The following LRP5 variants were observed in gnomAD, a reference collection of about 807,000 sequenced individuals.
LRP5 encodes LDL receptor related protein 5.
In LRP5, 62 loss-of-function variants were observed where a neutral mutation model predicts 154.1. That is an observed-to-expected ratio of 0.40 (90% confidence interval 0.33 to 0.50). The LOEUF is 0.50. LRP5 is among the 20% of genes least tolerant of loss of function. The probability of loss-of-function intolerance (pLI) is 0.55; values close to 1 mark genes in which losing one functional copy is unlikely to be tolerated. For missense variants in LRP5, 1,915 were observed against 2,336.7 expected, an observed-to-expected ratio of 0.82 and a Z score of 3.72; for synonymous variants, 966 against 1,011.5, an observed-to-expected ratio of 0.96 and a Z score of 0.85.
chr11:68,425,070 A>T (rs750990079), intron 14 of LRP5, 32 bp from the exon 15 acceptor site: 1 of 1,605,676 alleles, frequency 6.2e-7, no homozygotes. Flanking sequence ...CGCCATCCCC[A>T]CACCCGTCCT....
chr11:68,351,767 GTAGGGGGAT>G (rs1284182282), intron 2 of LRP5, among the ~76,000 whole-genome samples: 5 of 152,192 alleles, frequency 3.3e-5, no homozygotes, highest in Non-Finnish European at 5.9e-5. Context: ...GGACGTGTGC[GTAGGGGGAT>G]AAAGCAGTGC....
intron 1 of LRP5, among the ~76,000 whole-genome samples, chr11:68,323,558 C>A (rs1261772640): frequency 1.3e-5 from 2 of 152,166 alleles, no homozygotes; most frequent in East Asian, 1.9e-4. Flanking sequence ...GGACTACAGG[C>A]ACACACCACC....
Position 68,416,372 on chromosome 11 carries a change from C to T in LRP5, c.2872C>T (p.Arg958Trp), listed in dbSNP as rs754174678. ...GTTCAGCCAGAAATCTGCCATCAGT[C>T]GGATGATCCCGGACGACCAGCACAG... ...LLFSQKSAIS[R>W]MIPDDQHSPD... Residue 958 changes from arginine (R) to tryptophan (W), a missense_variant, in exon 13 of 23, where the codon CGG (arginine) becomes TGG (tryptophan). By Grantham distance (101) the Arg-to-Trp change is moderately radical. Around this residue, in one of 3 missense-constraint regions of LRP5, gnomAD observed 1,094 missense variants for 1,210.1 expected, o/e 0.90. Transcript: ENST00000294304. 1.4e-5 allele frequency: 23 copies of T among 1,614,044 alleles called. No homozygotes were observed. In the South Asian group the frequency reaches 1.6e-4, roughly 12 times the overall value.
Position 68,447,368 on chromosome 11 carries a change from G to T in LRP5, c.4586+835G>T, listed in dbSNP as rs927903808. Reference sequence around the variant, plus strand: ...TTGCTTGGGTCCCTGGAGCAGCAGGGCCTCCCGAGTGTGGTGCCGCCTGCC... The same window carrying T: ...TTGCTTGGGTCCCTGGAGCAGCAGGTCCTCCCGAGTGTGGTGCCGCCTGCC... On this transcript the variant is annotated intron_variant, in intron 22 of 22. Coordinates refer to ENST00000294304, the MANE Select transcript of LRP5 (RefSeq NM_002335.4). This position sits in a 1 kb window ranked among gnomAD's most constrained non-coding sequence, Gnocchi z 4.3. 1.3e-4 allele frequency among the ~76,000 whole-genome samples: 20 copies of T among 152,200 alleles called. No individual in the cohort carries two copies. In the South Asian group the frequency reaches 2.7e-3, roughly 20 times the overall value.
intron 1 of LRP5, among the ~76,000 whole-genome samples, chr11:68,323,778 G>A (rs1489898242): frequency 1.3e-5 from 2 of 152,154 alleles, no homozygotes; most frequent in Non-Finnish European, 2.9e-5. Context: ...TTTTTAATGC[G>A]TTCTCAAGAA....
At chr11:68,365,731 C>CG in intron 5 of LRP5, 29 bp downstream of exon 5, 1 of 18,032 alleles carries the variant, frequency 5.5e-5, no homozygotes, top group Admixed American at 2.9e-3. Flanking sequence ...ACGGGGCGGG[C>CG]GGGCGGGGCG....
At chr11:68,371,443 G>C (rs1369985756) in intron 5 of LRP5, among the ~76,000 whole-genome samples, 2 of 152,186 alleles carry the variant, frequency 1.3e-5, no homozygotes, top group Non-Finnish European at 2.9e-5. Context: ...CAGACCACGC[G>C]GCAGCCTGGG....
At chr11:68,305,174 C>G in the LRP5 span, among the ~76,000 whole-genome samples, 2 of 152,008 alleles carry the variant, frequency 1.3e-5, no homozygotes, top group African/African-American at 4.8e-5. Context: ...TGGGGGCAGA[C>G]CCCTCGTGGC....
At position 68,438,271 on chromosome 11, in the gene LRP5, C is replaced by T. The variant is rs553512838; in HGVS notation, c.4112-175C>T. Among the ~76,000 whole-genome samples the T allele has an allele frequency of 2.6e-5, 4 of 152,292 alleles. No homozygotes were observed. The South Asian group carries it at 8.3e-4, about 32-fold the overall frequency. On this transcript the variant is annotated intron_variant, in intron 19 of 22. Coordinates refer to ENST00000294304, the MANE Select transcript of LRP5 (RefSeq NM_002335.4). ...GTGCACCGTGCAGGCTGAAGGGCCACGTTACCCTGAGGTTGGCCAGGCTCC... is the reference window on the plus strand; with the variant it reads ...GTGCACCGTGCAGGCTGAAGGGCCATGTTACCCTGAGGTTGGCCAGGCTCC...
chr11:68,444,010 A>G (rs937223849), intron 21 of LRP5, among the ~76,000 whole-genome samples: 10 of 151,810 alleles, frequency 6.6e-5, no homozygotes, highest in Admixed American at 5.9e-4. Context: ...TCACATCTTT[A>G]ATTCTTCTGG....
intron 7 of LRP5, among the ~76,000 whole-genome samples, chr11:68,394,468 CTT>C (rs1217880694): frequency 1.5e-4 from 21 of 139,912 alleles, no homozygotes; most frequent in Non-Finnish European, 1.7e-4. Context: ...TGATTACCCA[CTT>C]TTTTTTTTTT....
chr11:68,360,345 C>T (rs148492062), intron 3 of LRP5, among the ~76,000 whole-genome samples: 75 of 152,306 alleles, frequency 4.9e-4, no homozygotes, highest in Non-Finnish European at 7.5e-4. Context: ...CCCCTGTGCA[C>T]AGAGAAGCAT....
intron 9 of LRP5, among the ~76,000 whole-genome samples, chr11:68,409,442 T>C (rs2098658183): frequency 6.6e-6 from 1 of 151,284 alleles, no homozygotes; most frequent in African/African-American, 2.4e-5. Context: ...CAAAAAGGTG[T>C]CTTGCTGCAT....
chr11:68,378,469 C>T (rs553718229), intron 5 of LRP5, among the ~76,000 whole-genome samples: 15 of 151,984 alleles, frequency 9.9e-5, no homozygotes, highest in Admixed American at 6.6e-4. Context: ...GTAGGTGGCT[C>T]GTTCCCCCAC....
In LRP5 at chr11:68,433,695, G is replaced by A. The variant is rs1326459816; in HGVS notation, c.3857G>A (p.Cys1286Tyr). Residue 1286 changes from cysteine (C) to tyrosine (Y), a missense_variant, in exon 18 of 23, where the codon TGC becomes TAC. Around this residue, in one of 3 missense-constraint regions of LRP5, gnomAD observed 1,094 missense variants for 1,210.1 expected, o/e 0.90. Transcript: ENST00000294304. ...TGGCGCTGTGACGGCTTTCCCGAGTGCGATGACCAGAGCGACGAGGAGGGC... is the reference window on the plus strand; with the variant it reads ...TGGCGCTGTGACGGCTTTCCCGAGTACGATGACCAGAGCGACGAGGAGGGC... ...GAWRCDGFPE[C>Y]DDQSDEEGCP... 1 of 1,613,250 alleles carries A rather than the reference G, an allele frequency of 6.2e-7. No individual in the cohort carries two copies. Among genetic ancestry groups the A allele is most frequent in the Non-Finnish European group, 8.5e-7 (1 of 1,179,966 alleles).
chr11:68,400,059 C>CT (rs2153161054), intron 7 of LRP5, among the ~76,000 whole-genome samples: 1 of 152,224 alleles, frequency 6.6e-6, no homozygotes, highest in Admixed American at 6.5e-5. Flanking sequence ...CCATAGGGGT[C>CT]TCTGTGGGAG....
chr11:68,436,254 G>A (rs570850419), intron 18 of LRP5, among the ~76,000 whole-genome samples: 9 of 152,122 alleles, frequency 5.9e-5, no homozygotes, highest in Admixed American at 5.9e-4. Context: ...CCCAGGGCAG[G>A]ACACCGGGGG....
At position 68,312,720 on chromosome 11, in the gene LRP5, G is replaced by T; in HGVS notation, c.6G>T (p.Glu2Asp). ...CCGTCCGGCCGCCGGACAACATGGA[G>T]GCAGCGCCGCCCGGGCCGCCGTGGC... is the stretch of plus-strand genomic sequence containing the variant. M[E>D]AAPPGPPWPL... The change falls in exon 1 of 23, where the codon GAG becomes GAT. Residue 2 changes from glutamate to aspartate, a missense_variant. Glu to Asp is a conservative substitution (Grantham distance 45, BLOSUM62 2). Coordinates refer to ENST00000294304, the MANE Select transcript of LRP5 (RefSeq NM_002335.4). 1 of 1,042,442 alleles carries T rather than the reference G, an allele frequency of 9.6e-7. No homozygotes were observed. Among genetic ancestry groups the T allele is most frequent in the Non-Finnish European group, 1.2e-6 (1 of 868,008 alleles). The allele number at this position is 1,042,442 out of a possible 1,614,324, so 64.6% of individuals were successfully genotyped here.
intron 16 of LRP5, among the ~76,000 whole-genome samples, chr11:68,427,975 T>TTATTTATTTATTTA (rs1565105932): frequency 1.5e-3 from 65 of 43,438 alleles, no homozygotes; most frequent in East Asian, 7.9e-3. Context: ...ATTTTATTTT[T>TTATTTATTTATTTA]TTTATTTATT....
Sources: gnomAD v4.1 joint callset for allele counts (sites outside exome capture counted in the v4.1 genomes callset) on GRCh38, gnomAD v4.1.1 for gene constraint, gnomAD v4.1.1 regional missense constraint, Gnocchi (gnomAD v3.1) non-coding constraint, MANE v1.5 for transcripts, NCBI Gene and HGNC (gene_info 2026-07-23, HGNC 2026-07-21) for gene names.